Variants in CNTLN observed in about 807,000 individuals in gnomAD.
CNTLN encodes the protein centlein, centrosomal protein.
In CNTLN, 212 loss-of-function variants were observed where a neutral mutation model predicts 180.0. The ratio of observed to expected loss-of-function variants is 1.18; its 90% CI spans 1.05 to 1.32. The LOEUF is 1.32. Among genes scored for constraint, CNTLN ranks in the 40% most tolerant of loss-of-function variants. The pLI, the probability that CNTLN is intolerant of heterozygous loss-of-function variation, is 0.00. For missense variants in CNTLN, 2,095 were observed against 1,610.9 expected (o/e 1.30, Z -5.14); for synonymous variants, 722 against 563.1 (o/e 1.28, Z -3.99).
intron 3 of CNTLN, among the ~76,000 whole-genome samples, chr9:17,227,870 G>A (rs1316089685): frequency 6.6e-6 from 1 of 151,996 alleles, no homozygotes; most frequent in African/African-American, 2.4e-5. Context: ...TACCACCCAA[G>A]TATCAAACAA....
chr9:17,136,905 C>G (rs1586880224), intron 1 of CNTLN, among the ~76,000 whole-genome samples: 1 of 152,014 alleles, frequency 6.6e-6, no homozygotes. Flanking sequence ...CTTTGATACT[C>G]TGAGTCCTAA....
At chr9:17,256,455 T>G (rs1192526242) in intron 5 of CNTLN, among the ~76,000 whole-genome samples, 1 of 152,040 alleles carries the variant, frequency 6.6e-6, no homozygotes. Flanking sequence ...AAAGCCATTA[T>G]GATTGGTGTG....
rs1414163160 is a variant in CNTLN at position 17,466,723 on chromosome 9, C to G, written c.3687C>G (p.Leu1229=). The change falls in exon 23 of 26, where the codon CTC becomes CTG. Residue 1229 remains leucine, a synonymous_variant. Coordinates refer to ENST00000380647, the MANE Select transcript of CNTLN (RefSeq NM_017738.4). ...ELEKKDLKLT[L]LVSRISETES... ...TTTTGCAGGATCTCAAGCTTACTCT[C>G]CTAGTATCAAGAATAAGTGAGACTG... 2 of 1,609,212 alleles carry G rather than the reference C, an allele frequency of 1.2e-6. No homozygotes were observed. The highest frequency in any genetic ancestry group is 3.4e-5 in the Admixed American group (2 of 59,570).
chr9:17,186,032 T>G (rs1821418283), intron 2 of CNTLN, among the ~76,000 whole-genome samples: 1 of 152,160 alleles, frequency 6.6e-6, no homozygotes, highest in South Asian at 2.1e-4. Flanking sequence ...GCTCAAGTTA[T>G]CCTCCTGCCT....
the CNTLN span, among the ~76,000 whole-genome samples, chr9:17,523,980 C>T: frequency 6.6e-6 from 1 of 152,176 alleles, no homozygotes; most frequent in Non-Finnish European, 1.5e-5. Flanking sequence ...GCTTTTTCCT[C>T]TTAGAAACGT....
intron 9 of CNTLN, among the ~76,000 whole-genome samples, chr9:17,332,363 A>G (rs1820701421): frequency 6.6e-6 from 1 of 152,100 alleles, no homozygotes; most frequent in Admixed American, 6.6e-5. Flanking sequence ...CTAATGGGAC[A>G]TCATTATTCT....
rs540778406 is a variant in CNTLN at position 17,497,267 on chromosome 9, G to A, written c.4120-5284G>A. On this transcript the variant is annotated intron_variant, in intron 25 of 25. Transcript: ENST00000380647. ...AGCTGCTGAGGAGCCAGTGACAAGGGTTTAGCTCTATCTAGGCAAGTTTTG... is the reference window on the plus strand; with the variant it reads ...AGCTGCTGAGGAGCCAGTGACAAGGATTTAGCTCTATCTAGGCAAGTTTTG... Among the ~76,000 whole-genome samples the A allele has an allele frequency of 2.6e-5, 4 of 152,220 alleles. No individual in the cohort carries two copies. The South Asian group carries it at 6.2e-4, about 24-fold the overall frequency.
chr9:17,455,803 G>GGCAGGCAGGTTTGGGGAA (rs1831076979), intron 18 of CNTLN, among the ~76,000 whole-genome samples: 2 of 34,882 alleles, frequency 5.7e-5, no homozygotes, highest in African/African-American at 1.3e-4. Flanking sequence ...GGTTTGGGGA[G>GGCAGGCAGGTTTGGGGAA]TGGCAGGCAG....
chr9:17,175,446 CTT>C (rs962643295), intron 2 of CNTLN, among the ~76,000 whole-genome samples: 1 of 152,090 alleles, frequency 6.6e-6, no homozygotes, highest in African/African-American at 2.4e-5. Flanking sequence ...TCTAAAATCA[CTT>C]GGGTATATTT....
intron 19 of CNTLN, among the ~76,000 whole-genome samples, chr9:17,458,354 AT>A (rs1446674684): frequency 1.3e-5 from 2 of 151,954 alleles, no homozygotes; most frequent in African/African-American, 4.8e-5. Context: ...TGGAAAGTTC[AT>A]TTTCATGCTT....
chr9:17,220,827 T>C (rs961553894), intron 2 of CNTLN, among the ~76,000 whole-genome samples: 2 of 152,196 alleles, frequency 1.3e-5, no homozygotes, highest in Non-Finnish European at 2.9e-5. Context: ...GTACCACATT[T>C]TCTTTATCCA....
intron 2 of CNTLN, among the ~76,000 whole-genome samples, chr9:17,158,737 C>T (rs578002393): frequency 8.6e-5 from 13 of 151,966 alleles, no homozygotes; most frequent in African/African-American, 2.6e-4. Flanking sequence ...TTCTGATTCT[C>T]GTAATTTTAG....
At chr9:17,423,476 C>T (rs2133936931) in intron 18 of CNTLN, among the ~76,000 whole-genome samples, 1 of 152,034 alleles carries the variant, frequency 6.6e-6, no homozygotes, top group South Asian at 2.1e-4. Flanking sequence ...TTTCTGCAAT[C>T]AGGAGTCTCT....
chr9:17,320,767 C>T (rs1037101587), intron 8 of CNTLN, among the ~76,000 whole-genome samples: 7 of 151,914 alleles, frequency 4.6e-5, no homozygotes, highest in African/African-American at 1.5e-4. Flanking sequence ...CCTCCCAAAG[C>T]GCTGGGATTA....
At chr9:17,483,072 C>G (rs116177653) in intron 23 of CNTLN, among the ~76,000 whole-genome samples, 4,697 of 152,008 alleles carry the variant, frequency 0.031, 243 homozygotes, top group African/African-American at 0.11. Context: ...TGACATCAAA[C>G]AGTACTGTCA....
chr9:17,265,845 T>A (rs1052957710), intron 5 of CNTLN, among the ~76,000 whole-genome samples: 1 of 152,232 alleles, frequency 6.6e-6, no homozygotes, highest in African/African-American at 2.4e-5. Flanking sequence ...TGTAGTATTC[T>A]TTCATGGTTG....
downstream of CNTLN, among the ~76,000 whole-genome samples, chr9:17,505,100 A>T (rs1022869199): frequency 2.0e-5 from 3 of 151,208 alleles, no homozygotes; most frequent in African/African-American, 7.3e-5. Flanking sequence ...ATAAAATTTG[A>T]TATAGAAAAA....
At chr9:17,160,548 T>A (rs974612760) in intron 2 of CNTLN, among the ~76,000 whole-genome samples, 1 of 152,182 alleles carries the variant, frequency 6.6e-6, no homozygotes, top group Non-Finnish European at 1.5e-5. Context: ...CACTCAAATT[T>A]AGTAATTCCT....
At chr9:17,391,422 G>A (rs1341391851) in intron 14 of CNTLN, among the ~76,000 whole-genome samples, 1 of 152,112 alleles carries the variant, frequency 6.6e-6, no homozygotes, top group Non-Finnish European at 1.5e-5. Flanking sequence ...GGAGAAAAAG[G>A]GGAGGGTGAC....
Sources: allele counts gnomAD v4.1 joint callset (sites outside exome capture counted in the v4.1 genomes callset), GRCh38; gene constraint gnomAD v4.1.1; transcripts MANE v1.5; gene names NCBI Gene and HGNC (gene_info 2026-07-23, HGNC 2026-07-21).